Variants in SLCO6A1 observed in about 807,000 individuals in gnomAD.
SLCO6A1 encodes solute carrier organic anion transporter family member 6A1, also known as cancer/testis antigen 48.
Under a neutral mutation model 72.7 loss-of-function variants are expected in SLCO6A1, and 65 were observed. The observed-to-expected ratio is 0.89, with a 90% confidence interval of 0.73 to 1.10. SLCO6A1 has a LOEUF of 1.10. Among genes scored for constraint, SLCO6A1 ranks in the 50% least tolerant of loss-of-function variants. The pLI is 0.00. For missense variants in SLCO6A1, 874 were observed against 872.6 expected, an observed-to-expected ratio of 1.00 and a Z score of -0.02; for synonymous variants, 314 against 298.2, an observed-to-expected ratio of 1.05 and a Z score of -0.55.
chr5:102,375,311 G>A (rs1352877329), intron 12 of SLCO6A1, among the ~76,000 whole-genome samples: 4 of 152,176 alleles, frequency 2.6e-5, no homozygotes, highest in South Asian at 4.2e-4. Flanking sequence ...CTTACCCCTC[G>A]AAAATTTGAA....
At chr5:102,485,290 A>AAATT (rs1752398651) in intron 1 of SLCO6A1, among the ~76,000 whole-genome samples, 1 of 117,162 alleles carries the variant, frequency 8.5e-6, no homozygotes, top group African/African-American at 4.3e-5. Context: ...ATAAATAAAT[A>AAATT]AATAAAATAA....
In SLCO6A1 at chr5:102,373,475, G is replaced by T; in HGVS notation, c.2037C>A (p.Cys679Ter). The change falls in exon 13 of 14, where the codon TGC (cysteine) becomes TGA (stop). Residue 679 changes from cysteine (C) to a stop codon, truncating the protein, a stop_gained. Transcript: ENST00000506729. LOFTEE classifies it high-confidence loss of function. ...ATGCAATAGTAGTGAAGATGATAGT[G>T]CATAGTTTGCAAAGAAAACCTAAAT... Reference protein sequence around the residue: ...LVGICFLCKLCTIIFTTIAFF... With the variant: ...LVGICFLCKL 1 of 1,494,574 alleles carries T rather than the reference G, an allele frequency of 6.7e-7. No homozygotes were observed. The highest frequency in any genetic ancestry group is 8.9e-7 in the Non-Finnish European group (1 of 1,122,076). 92.6% of individuals were successfully genotyped at this position (1,494,574 alleles called of 1,614,324 possible). A position where few individuals can be genotyped will look rare whatever the true frequency, so the allele number is the denominator to read the frequency against.
At chr5:102,478,403 C>A in intron 2 of SLCO6A1, among the ~76,000 whole-genome samples, 1 of 152,116 alleles carries the variant, frequency 6.6e-6, no homozygotes, top group South Asian at 2.1e-4. Flanking sequence ...TCAAAGAGTA[C>A]TTTCTGAGTT....
At chr5:102,454,238 G>C (rs973756373) in intron 6 of SLCO6A1, among the ~76,000 whole-genome samples, 1 of 152,170 alleles carries the variant, frequency 6.6e-6, no homozygotes, top group South Asian at 2.1e-4. Context: ...AAGACTGTTA[G>C]CCTTCACTGT....
intron 7 of SLCO6A1, among the ~76,000 whole-genome samples, chr5:102,425,948 C>T (rs1043556369): frequency 6.6e-6 from 1 of 152,046 alleles, no homozygotes; most frequent in African/African-American, 2.4e-5. Flanking sequence ...AGAACACAGC[C>T]CTCAGAAATA....
At chr5:102,480,487 T>C (rs1752140376) in intron 1 of SLCO6A1, 53 bp from the exon 2 acceptor site, 18 of 1,523,300 alleles carry the variant, frequency 1.2e-5, no homozygotes, top group Non-Finnish European at 1.6e-5. Flanking sequence ...TAAGAGGTCA[T>C]TATGATTATT....
intron 7 of SLCO6A1, among the ~76,000 whole-genome samples, chr5:102,422,136 C>G (rs1748642382): frequency 6.6e-6 from 1 of 152,144 alleles, no homozygotes; most frequent in South Asian, 2.1e-4. Context: ...CATCAAAGAT[C>G]AAAGGTAGAT....
chr5:102,410,228 C>T (rs925305703), intron 9 of SLCO6A1, among the ~76,000 whole-genome samples: 1 of 152,100 alleles, frequency 6.6e-6, no homozygotes. Flanking sequence ...AGGAGTCCCT[C>T]GAGAGGGTTG....
chr5:102,407,670 T>C (rs1244667536), intron 9 of SLCO6A1, among the ~76,000 whole-genome samples: 1 of 152,134 alleles, frequency 6.6e-6, no homozygotes, highest in East Asian at 1.9e-4. Flanking sequence ...ATACAAAATA[T>C]GTAACATAAG....
intron 7 of SLCO6A1, among the ~76,000 whole-genome samples, chr5:102,426,940 AAAG>A (rs1748925343): frequency 6.9e-6 from 1 of 144,370 alleles, no homozygotes; most frequent in Admixed American, 7.0e-5. Flanking sequence ...ATGCAGCCAT[AAAG>A]AAGATTGAGT....
chr5:102,485,932 TGTAA>T (rs1301702743), intron 1 of SLCO6A1, among the ~76,000 whole-genome samples: 3 of 152,188 alleles, frequency 2.0e-5, no homozygotes, highest in Non-Finnish European at 1.5e-5. Context: ...TCTACAAGTG[TGTAA>T]GTGTCTAGTA....
chr5:102,374,240 A>G (rs1745652445), intron 12 of SLCO6A1, among the ~76,000 whole-genome samples: 1 of 152,230 alleles, frequency 6.6e-6, no homozygotes, highest in Admixed American at 6.5e-5. Flanking sequence ...TTGTGAGCTC[A>G]GGCGATCTCC....
At chr5:102,374,873 A>G (rs1229384432) in intron 12 of SLCO6A1, among the ~76,000 whole-genome samples, 3 of 152,206 alleles carry the variant, frequency 2.0e-5, no homozygotes, top group Non-Finnish European at 4.4e-5. Flanking sequence ...CAGGCAAATT[A>G]TCTGAAAATG....
At chr5:102,449,688 G>A (rs376112428) in intron 6 of SLCO6A1, among the ~76,000 whole-genome samples, 1 of 152,076 alleles carries the variant, frequency 6.6e-6, no homozygotes. Context: ...CCTGATTTTT[G>A]TATTGACCTC....
intron 12 of SLCO6A1, among the ~76,000 whole-genome samples, chr5:102,377,928 T>C (rs888111730): frequency 2.7e-5 from 4 of 150,782 alleles, no homozygotes; most frequent in African/African-American, 9.7e-5. Context: ...AAGAACAAAA[T>C]AGTTTGGCAA....
At chr5:102,448,294 C>T (rs1439050537) in intron 6 of SLCO6A1, among the ~76,000 whole-genome samples, 1 of 152,010 alleles carries the variant, frequency 6.6e-6, no homozygotes, top group Admixed American at 6.6e-5. Flanking sequence ...TGGCTGATTG[C>T]GTGGTCAATT....
intron 7 of SLCO6A1, among the ~76,000 whole-genome samples, chr5:102,422,142 T>C (rs1748642620): frequency 6.6e-6 from 1 of 152,012 alleles, no homozygotes; most frequent in Non-Finnish European, 1.5e-5. Context: ...AGATCAAAGG[T>C]AGATAAATCC....
At chr5:102,405,042 A>G (rs1391775129) in intron 9 of SLCO6A1, among the ~76,000 whole-genome samples, 1 of 152,128 alleles carries the variant, frequency 6.6e-6, no homozygotes, top group Non-Finnish European at 1.5e-5. Flanking sequence ...CAAAATATTC[A>G]TTATGTTATT....
At chr5:102,430,196 C>G (rs1379575359) in intron 7 of SLCO6A1, among the ~76,000 whole-genome samples, 2 of 152,012 alleles carry the variant, frequency 1.3e-5, no homozygotes, top group Non-Finnish European at 2.9e-5. Context: ...GCTTAAGGAG[C>G]TTTTGGGCCA....
Sources: allele counts gnomAD v4.1 joint callset (sites outside exome capture counted in the v4.1 genomes callset), GRCh38; gene constraint gnomAD v4.1.1; transcripts MANE v1.5; gene names NCBI Gene and HGNC (gene_info 2026-07-23, HGNC 2026-07-21).